Variants in CPA6 observed in about 807,000 individuals in gnomAD.
The protein encoded by CPA6 is carboxypeptidase B.
In CPA6, 58 loss-of-function variants were observed where a neutral mutation model predicts 63.3. That is an observed-to-expected ratio of 0.92 (90% confidence interval 0.74 to 1.14). The LOEUF is 1.14. CPA6 is among the 50% of genes most tolerant of loss of function. CPA6 has a pLI of 0.00. For synonymous variants in CPA6, 185 were observed against 179.0 expected, an observed-to-expected ratio of 1.03 and a Z score of -0.27; for missense variants, 565 against 526.6, an observed-to-expected ratio of 1.07 and a Z score of -0.71.
chr8:67,475,557 G>T (rs1249154153), intron 8 of CPA6, among the ~76,000 whole-genome samples: 1 of 152,226 alleles, frequency 6.6e-6, no homozygotes, highest in Non-Finnish European at 1.5e-5. Context: ...TGGGATGTTT[G>T]CTGGTCTCTG....
intron 5 of CPA6, 21 bp downstream of exon 5, chr8:67,509,496 A>T (rs1346935161): frequency 9.1e-7 from 1 of 1,103,788 alleles, no homozygotes; most frequent in East Asian, 2.4e-5. Flanking sequence ...ATGTATTTAC[A>T]CAGCAATTGC....
chr8:67,488,324 G>T (rs1811528903), intron 6 of CPA6, among the ~76,000 whole-genome samples: 1 of 152,152 alleles, frequency 6.6e-6, no homozygotes, highest in Admixed American at 6.6e-5. Flanking sequence ...TTTCCCCATT[G>T]CTTGTTTTTG....
At chr8:67,556,391 A>G (rs1813061364) in intron 2 of CPA6, among the ~76,000 whole-genome samples, 1 of 152,144 alleles carries the variant, frequency 6.6e-6, no homozygotes, top group African/African-American at 2.4e-5. Flanking sequence ...AGAAGCTGAC[A>G]TCCTGCGCTT....
At chr8:67,667,511 A>C (rs1270240068) in intron 1 of CPA6, among the ~76,000 whole-genome samples, 8 of 150,506 alleles carry the variant, frequency 5.3e-5, no homozygotes, top group Admixed American at 4.0e-4. Context: ...AAGTTAGAGA[A>C]AAAAAAAATT....
intron 2 of CPA6, among the ~76,000 whole-genome samples, chr8:67,540,344 C>T (rs1424670793): frequency 6.6e-6 from 1 of 152,178 alleles, no homozygotes; most frequent in Non-Finnish European, 1.5e-5. Flanking sequence ...GGCTGCAGAA[C>T]AGCAAAGATT....
chr8:67,647,262 C>T (rs1323494420), intron 1 of CPA6, among the ~76,000 whole-genome samples: 1 of 151,856 alleles, frequency 6.6e-6, no homozygotes, highest in East Asian at 1.9e-4. Flanking sequence ...CCAGGTTTGA[C>T]AGCAAATATC....
At chr8:67,673,377 ATTATTTAT>A (rs1190188957) in intron 1 of CPA6, among the ~76,000 whole-genome samples, 3 of 131,130 alleles carry the variant, frequency 2.3e-5, no homozygotes, top group African/African-American at 1.0e-4. Flanking sequence ...TATTATTATT[ATTATTTAT>A]TTATTTTTTT....
intron 3 of CPA6, among the ~76,000 whole-genome samples, chr8:67,513,580 G>T (rs1812084774): frequency 6.6e-6 from 1 of 152,104 alleles, no homozygotes; most frequent in Admixed American, 6.6e-5. Flanking sequence ...TAAAGTCTGT[G>T]GTACTTTGTT....
At chr8:67,576,205 C>T (rs1813621804) in intron 2 of CPA6, among the ~76,000 whole-genome samples, 1 of 152,106 alleles carries the variant, frequency 6.6e-6, no homozygotes, top group South Asian at 2.1e-4. Context: ...ACAAACATTT[C>T]AAATATTTGA....
chr8:67,719,087 G>C (rs899380988), intron 1 of CPA6, among the ~76,000 whole-genome samples: 3 of 152,032 alleles, frequency 2.0e-5, no homozygotes, highest in African/African-American at 7.3e-5. Context: ...CAACAAGCTA[G>C]GCTCCAAATC....
chr8:67,689,923 C>T (rs1816782325), intron 1 of CPA6, among the ~76,000 whole-genome samples: 1 of 152,208 alleles, frequency 6.6e-6, no homozygotes, highest in Non-Finnish European at 1.5e-5. Flanking sequence ...TTCTCTACAG[C>T]CTTGCCAACA....
At chr8:67,671,554 G>A (rs920565068) in intron 1 of CPA6, among the ~76,000 whole-genome samples, 6 of 152,156 alleles carry the variant, frequency 3.9e-5, no homozygotes, top group African/African-American at 1.2e-4. Context: ...GCCTTATACT[G>A]TCTATACCTG....
chr8:67,582,310 G>C (rs538060778), intron 2 of CPA6, among the ~76,000 whole-genome samples: 1 of 152,260 alleles, frequency 6.6e-6, no homozygotes, highest in Admixed American at 6.5e-5. Flanking sequence ...ATGATATGTG[G>C]CCTCATGGGA....
intron 1 of CPA6, among the ~76,000 whole-genome samples, chr8:67,692,582 TA>T: frequency 6.6e-6 from 1 of 152,336 alleles, no homozygotes; most frequent in South Asian, 2.1e-4. Context: ...TTTCTTGCTA[TA>T]ATCTATTATG....
At position 67,482,131 on chromosome 8, in the gene CPA6, C is replaced by T. The variant is rs118152369; in HGVS notation, c.838+1637G>A. On this transcript the variant is annotated intron_variant, in intron 8 of 10. Coordinates refer to ENST00000297770, the MANE Select transcript of CPA6 (RefSeq NM_020361.5). Reference sequence around the variant, plus strand: ...AGCAAGCTGGGTAAAGGAAGAACAACAAAGGGAAGCAAGACCTTACTTGCA... The same window carrying T: ...AGCAAGCTGGGTAAAGGAAGAACAATAAAGGGAAGCAAGACCTTACTTGCA... Among the ~76,000 whole-genome samples, 134 of 152,286 alleles carry T rather than the reference C, an allele frequency of 8.8e-4. 1 individual carries two copies. The East Asian group carries it at 0.025, about 28-fold the overall frequency.
chr8:67,728,251 C>T (rs1465616093), intron 1 of CPA6, among the ~76,000 whole-genome samples: 1 of 152,160 alleles, frequency 6.6e-6, no homozygotes, highest in Non-Finnish European at 1.5e-5. Flanking sequence ...ACTTACCTCT[C>T]CTCTATGAAG....
intron 1 of CPA6, chr8:67,735,312 GAC>G (rs1817791353): frequency 6.6e-6 from 1 of 152,206 alleles, no homozygotes; most frequent in Non-Finnish European, 1.5e-5. Flanking sequence ...GATAAGAAAT[GAC>G]AGTCAGGATG....
At chr8:67,574,375 T>TC (rs1554675893) in intron 2 of CPA6, among the ~76,000 whole-genome samples, 1 of 99,808 alleles carries the variant, frequency 1.0e-5, no homozygotes, top group Non-Finnish European at 1.9e-5. Context: ...AGACTCTGTC[T>TC]CAAAAAAAAA....
chr8:67,658,071 C>T (rs1038704780), intron 1 of CPA6, among the ~76,000 whole-genome samples: 1 of 152,094 alleles, frequency 6.6e-6, no homozygotes, highest in African/African-American at 2.4e-5. Context: ...CTGACTCAGA[C>T]CTTTCTTGTC....
Sources: allele counts gnomAD v4.1 joint callset (sites outside exome capture counted in the v4.1 genomes callset), GRCh38; gene constraint gnomAD v4.1.1; transcripts MANE v1.5; gene names NCBI Gene and HGNC (gene_info 2026-07-23, HGNC 2026-07-21).